Variants in SLC16A14 observed in about 807,000 individuals in gnomAD.
The protein encoded by SLC16A14 is solute carrier family 16 member 14, also known as monocarboxylate transporter 14.
SLC16A14 carries 14 observed loss-of-function variants against 35.8 expected under a neutral mutation model. The observed-to-expected ratio is 0.39, with a 90% CI of 0.26 to 0.61. The LOEUF (loss-of-function observed/expected upper bound fraction) is 0.61, where lower values mean the gene tolerates loss of function less well. SLC16A14 is among the 20% of genes least tolerant of loss of function. The pLI, the probability that SLC16A14 is intolerant of heterozygous loss-of-function variation, is 0.51. For synonymous variants in SLC16A14, 248 were observed against 258.9 expected (o/e 0.96, Z 0.40); for missense variants, 533 against 655.0 (o/e 0.81, Z 2.03).
At chr2:230,044,742 G>GTGTA in intron 4 of SLC16A14, among the ~76,000 whole-genome samples, 1 of 141,318 alleles carries the variant, frequency 7.1e-6, no homozygotes, top group African/African-American at 2.7e-5. Context: ...GTGTGTATGT[G>GTGTA]TGTGTGTGTG....
chr2:230,048,442 T>G (rs1442431009), intron 3 of SLC16A14, among the ~76,000 whole-genome samples: 2 of 152,250 alleles, frequency 1.3e-5, no homozygotes, highest in Non-Finnish European at 2.9e-5. Context: ...TCACACTACC[T>G]GCTGATAAAG....
chr2:230,037,158 A>G lies in SLC16A14; in HGVS notation c.*222T>C, dbSNP rs1469365266. ...TAGGCTGTCTTTGAACAACACTGTC[A>G]TCTCTAGAATGTATGTAGTCCTTAA... On this transcript the variant is annotated 3_prime_UTR_variant, in exon 5 of 5. Transcript: ENST00000295190. 1.2e-5 allele frequency: 4 copies of G among 328,964 alleles called. No individual in the cohort carries two copies. Among genetic ancestry groups the G allele is most frequent in the African/African-American group, 6.4e-5 (3 of 47,124 alleles). 20.4% of individuals were successfully genotyped at this position (328,964 alleles called of 1,614,324 possible).
chr2:230,066,615 G>A (rs751675830), intron 1 of SLC16A14: 1 of 430,574 alleles, frequency 2.3e-6, no homozygotes, highest in Non-Finnish European at 4.5e-6. Flanking sequence ...CTACAGCAGC[G>A]TAGAAAGTTT....
At chr2:230,053,470 T>C (rs1226979342) in intron 2 of SLC16A14, among the ~76,000 whole-genome samples, 1 of 152,192 alleles carries the variant, frequency 6.6e-6, no homozygotes, top group Non-Finnish European at 1.5e-5. Context: ...ATCTGAATCT[T>C]GGACCATTTC....
At chr2:230,063,946 T>A (rs1560483257) in intron 1 of SLC16A14, among the ~76,000 whole-genome samples, 1 of 151,870 alleles carries the variant, frequency 6.6e-6, no homozygotes, top group Non-Finnish European at 1.5e-5. Flanking sequence ...AAATAAAAAT[T>A]AGCCAGGCAC....
Position 230,039,777 on chromosome 2 carries a change from A to G in SLC16A14, c.1382-2246T>C, listed in dbSNP as rs115569637. 5.0e-3 allele frequency among the ~76,000 whole-genome samples: 765 copies of G among 152,350 alleles called. 6 individuals carry two copies. Among genetic ancestry groups the G allele is most frequent in the African/African-American group, 0.016 (669 of 41,584 alleles). On this transcript the variant is annotated intron_variant, in intron 4 of 4. Coordinates refer to ENST00000295190, the MANE Select transcript of SLC16A14 (RefSeq NM_152527.5). ...AGAGCAGAAATGATGGCTGTAACTAACAAACAGCTGAACGGCTTGTTTCAA... is the reference window on the plus strand; with the variant it reads ...AGAGCAGAAATGATGGCTGTAACTAGCAAACAGCTGAACGGCTTGTTTCAA...
At chr2:230,051,043 A>G (rs899465092) in intron 2 of SLC16A14, among the ~76,000 whole-genome samples, 1 of 152,238 alleles carries the variant, frequency 6.6e-6, no homozygotes, top group Admixed American at 6.5e-5. Context: ...CTATCAGGCT[A>G]TGGAGATTCG....
intron 2 of SLC16A14, among the ~76,000 whole-genome samples, chr2:230,053,294 A>G (rs1048491470): frequency 6.6e-6 from 1 of 152,148 alleles, no homozygotes; most frequent in African/African-American, 2.4e-5. Context: ...CCAAAATCAA[A>G]CCACCATTTC....
At chr2:230,061,933 G>A (rs1175986876) in intron 1 of SLC16A14, among the ~76,000 whole-genome samples, 1 of 151,808 alleles carries the variant, frequency 6.6e-6, no homozygotes, top group Non-Finnish European at 1.5e-5. Context: ...TTAGAGACGG[G>A]GTTTCGCCAT....
intron 4 of SLC16A14, among the ~76,000 whole-genome samples, chr2:230,039,200 C>T (rs1242954104): frequency 6.6e-6 from 1 of 150,788 alleles, no homozygotes; most frequent in East Asian, 1.9e-4. Context: ...GAAAAACAAA[C>T]AATAGCATAC....
chr2:230,059,498 T>C (rs780619989), intron 1 of SLC16A14, 132 bp from the exon 2 acceptor site: 1 of 650,426 alleles, frequency 1.5e-6, no homozygotes, highest in Non-Finnish European at 2.6e-6. Flanking sequence ...GGTTAATCTT[T>C]GTCACCATAC....
At chr2:230,066,677 C>T in intron 1 of SLC16A14, 1 of 427,524 alleles carries the variant, frequency 2.3e-6, no homozygotes, top group Non-Finnish European at 4.6e-6. Flanking sequence ...CTTTGTCGCC[C>T]AGGCTGGAGT....
At chr2:230,067,534 T>TTCTCTCTCTCTCTCTCTCTCTCTCTC (rs145179402) in intron 1 of SLC16A14, among the ~76,000 whole-genome samples, 42 of 128,406 alleles carry the variant, frequency 3.3e-4, no homozygotes, top group African/African-American at 1.3e-3. Context: ...CTCCCCTCTC[T>TTCTCTCTCTCTCTCTCTCTCTCTCTC]TCTCTCTCTC....
At chr2:230,051,997 C>T (rs1031547190) in intron 2 of SLC16A14, among the ~76,000 whole-genome samples, 4 of 148,580 alleles carry the variant, frequency 2.7e-5, no homozygotes, top group African/African-American at 1.0e-4. Flanking sequence ...AGTGCAGTGG[C>T]GCGATCTCGA....
intron 4 of SLC16A14, among the ~76,000 whole-genome samples, chr2:230,044,567 G>A (rs1488326085): frequency 6.6e-6 from 1 of 152,110 alleles, no homozygotes; most frequent in Non-Finnish European, 1.5e-5. Context: ...TTAGAAGATG[G>A]AGCAAGAGGG....
chr2:230,037,876 A>T lies in SLC16A14; in HGVS notation c.1382-345T>A, dbSNP rs1577379953. Among the ~76,000 whole-genome samples, 5 of 152,322 alleles carry T rather than the reference A, an allele frequency of 3.3e-5. No homozygotes were observed. The South Asian group carries it at 1.0e-3, about 32-fold the overall frequency. On this transcript the variant is annotated intron_variant, in intron 4 of 4. Coordinates refer to ENST00000295190, the MANE Select transcript of SLC16A14 (RefSeq NM_152527.5). ...TCTGGTTCACTCAAAGGCCCGCACA[A>T]GGCCAGCAGTGAAATGCGAATCCAA...
At chr2:230,067,641 C>A (rs1317605347) in intron 1 of SLC16A14, among the ~76,000 whole-genome samples, 1 of 152,022 alleles carries the variant, frequency 6.6e-6, no homozygotes, top group Non-Finnish European at 1.5e-5. Flanking sequence ...AAAGGAGAAT[C>A]TCTCTAAGCC....
At position 230,045,911 on chromosome 2, in the gene SLC16A14, G is replaced by A. The variant is rs766654677; in HGVS notation, c.1215C>T (p.Tyr405=). 33 of 1,612,382 alleles carry A rather than the reference G, an allele frequency of 2.0e-5. No individual in the cohort carries two copies. In the Admixed American group the frequency reaches 5.0e-4, roughly 24 times the overall value. The change falls in exon 4 of 5, where the codon TAC becomes TAT. Residue 405 remains tyrosine, a synonymous_variant. Transcript: ENST00000295190. ...SIFILPLMHT[Y]AGLAVICALI... ...GCGCACAGATGACCGCCAGGCCAGC[G>A]TACGTGTGCATCAACGGCAGAATAA...
intron 1 of SLC16A14, among the ~76,000 whole-genome samples, chr2:230,064,056 C>T (rs1315540054): frequency 6.6e-6 from 1 of 150,618 alleles, no homozygotes; most frequent in African/African-American, 2.4e-5. Flanking sequence ...GTGATCATGC[C>T]ACTGCACTCC....
Sources: allele counts gnomAD v4.1 joint callset (sites outside exome capture counted in the v4.1 genomes callset), GRCh38; gene constraint gnomAD v4.1.1; transcripts MANE v1.5; gene names NCBI Gene and HGNC (gene_info 2026-07-23, HGNC 2026-07-21).